Variants in OPCML observed in about 807,000 individuals in gnomAD.
OPCML encodes opioid binding protein/cell adhesion molecule like, also known as opioid-binding protein/cell adhesion molecule.
In OPCML, 13 loss-of-function variants were observed where a neutral mutation model predicts 37.8. That is an observed-to-expected ratio of 0.34 (90% CI 0.22 to 0.55). The LOEUF is 0.55. OPCML is among the 20% of genes least tolerant of loss of function. OPCML has a pLI of 0.91. For missense variants in OPCML, 341 were observed against 435.6 expected, an observed-to-expected ratio of 0.78 and a Z score of 1.93; for synonymous variants, 176 against 168.8, an observed-to-expected ratio of 1.04 and a Z score of -0.33.
chr11:132,746,748 C>T (rs1370632154), intron 2 of OPCML, among the ~76,000 whole-genome samples: 2 of 152,136 alleles, frequency 1.3e-5, no homozygotes, highest in African/African-American at 4.8e-5. Context: ...GGGTTTTTGT[C>T]ATTTTTGACT....
At chr11:132,695,391 C>T (rs1177090483) in intron 2 of OPCML, among the ~76,000 whole-genome samples, 1 of 152,046 alleles carries the variant, frequency 6.6e-6, no homozygotes, top group Non-Finnish European at 1.5e-5. Flanking sequence ...CATGGAAGTG[C>T]GGGAGGCAGG....
At chr11:133,491,165 C>G (rs759763159) in intron 1 of OPCML, among the ~76,000 whole-genome samples, 2 of 152,124 alleles carry the variant, frequency 1.3e-5, no homozygotes, top group African/African-American at 2.4e-5. Flanking sequence ...ATGCCCAGGT[C>G]GACAACCTCA....
chr11:132,761,854 G>A (rs375408403), intron 2 of OPCML, among the ~76,000 whole-genome samples: 12 of 152,214 alleles, frequency 7.9e-5, no homozygotes, highest in East Asian at 5.8e-4. Flanking sequence ...TCCATTGCTG[G>A]TGAGGAGTTG....
At chr11:132,691,358 G>A (rs947069946) in intron 2 of OPCML, among the ~76,000 whole-genome samples, 4 of 152,184 alleles carry the variant, frequency 2.6e-5, no homozygotes, top group African/African-American at 9.6e-5. Flanking sequence ...ACTAGGTGAA[G>A]ACTAGGTTAA....
At chr11:133,085,076 G>T (rs1185308632) in intron 1 of OPCML, among the ~76,000 whole-genome samples, 1 of 152,070 alleles carries the variant, frequency 6.6e-6, no homozygotes, top group Non-Finnish European at 1.5e-5. Context: ...CCAGCTAAAT[G>T]GACTCCTTTA....
At chr11:132,422,984 G>T (rs928534108) in intron 7 of OPCML, among the ~76,000 whole-genome samples, 19 of 152,186 alleles carry the variant, frequency 1.2e-4, no homozygotes, top group African/African-American at 4.8e-5. Flanking sequence ...AAGAGATGGG[G>T]TTTGATGACC....
At chr11:132,423,430 G>A (rs570101363) in intron 7 of OPCML, among the ~76,000 whole-genome samples, 2 of 152,362 alleles carry the variant, frequency 1.3e-5, no homozygotes, top group South Asian at 2.1e-4. Context: ...GCACATTTGA[G>A]ACTTGTCAGC....
intron 1 of OPCML, among the ~76,000 whole-genome samples, chr11:133,462,978 A>C (rs1237455987): frequency 6.6e-6 from 1 of 152,178 alleles, no homozygotes; most frequent in Non-Finnish European, 1.5e-5. Flanking sequence ...TGATATGTAC[A>C]CACAATGAGA....
At chr11:133,083,298 C>A (rs1048668432) in intron 1 of OPCML, among the ~76,000 whole-genome samples, 1 of 152,188 alleles carries the variant, frequency 6.6e-6, no homozygotes. Flanking sequence ...CACTCCCAGA[C>A]CCGACCCCTC....
At chr11:133,324,854 T>C (rs922114587) in intron 1 of OPCML, among the ~76,000 whole-genome samples, 9 of 152,182 alleles carry the variant, frequency 5.9e-5, no homozygotes, top group African/African-American at 2.2e-4. Context: ...GTTCTATATA[T>C]AGAATTAGAG....
intron 1 of OPCML, among the ~76,000 whole-genome samples, chr11:133,323,324 A>G (rs755171126): frequency 1.4e-4 from 22 of 152,248 alleles, no homozygotes; most frequent in Non-Finnish European, 2.4e-4. Context: ...GTTCAATTCT[A>G]ATGCTTATGT....
chr11:132,986,327 TAAAC>T (rs1181289199), intron 1 of OPCML, among the ~76,000 whole-genome samples: 1 of 152,098 alleles, frequency 6.6e-6, no homozygotes, highest in Non-Finnish European at 1.5e-5. Context: ...TAGTAAAAAG[TAAAC>T]AATCTGGATA....
chr11:132,942,314 T>C (rs1189008483), intron 2 of OPCML, among the ~76,000 whole-genome samples: 1 of 152,226 alleles, frequency 6.6e-6, no homozygotes, highest in Non-Finnish European at 1.5e-5. Flanking sequence ...AGTGATGTTG[T>C]TGCATAAAAG....
In OPCML at chr11:132,942,854, G is replaced by T. The variant is rs1051636639; in HGVS notation, c.146+72C>A. The T allele has an allele frequency of 1.6e-5, 25 of 1,586,554 alleles. No individual in the cohort carries two copies. The Middle Eastern group carries it at 5.0e-4, about 32-fold the overall frequency. On this transcript the variant is annotated intron_variant, in intron 2 of 7. Coordinates refer to ENST00000524381, the MANE Select transcript of OPCML (RefSeq NM_001012393.5). ...GTTCCGGTCCCCCATGGAGCCTTCT[G>T]CCCCCTCTTCCCTCCTCTCCCCAGC... is the stretch of plus-strand genomic sequence containing the variant.
chr11:133,363,395 C>G (rs530395104), intron 1 of OPCML, among the ~76,000 whole-genome samples: 1 of 152,280 alleles, frequency 6.6e-6, no homozygotes, highest in East Asian at 1.9e-4. Flanking sequence ...TAGTTCCAGA[C>G]GTGACCAAGC....
chr11:133,527,836 C>G (rs950615611), intron 1 of OPCML, among the ~76,000 whole-genome samples: 3 of 152,194 alleles, frequency 2.0e-5, no homozygotes, highest in Non-Finnish European at 4.4e-5. Flanking sequence ...AAAGAGATCA[C>G]TCTCAGCTTT....
intron 1 of OPCML, among the ~76,000 whole-genome samples, chr11:133,253,585 T>C (rs1248466471): frequency 6.6e-6 from 1 of 152,184 alleles, no homozygotes; most frequent in East Asian, 1.9e-4. Flanking sequence ...GCTGGGATTA[T>C]AGCGTGAGCC....
At chr11:132,907,231 C>CT (rs1462006241) in intron 2 of OPCML, among the ~76,000 whole-genome samples, 1 of 152,216 alleles carries the variant, frequency 6.6e-6, no homozygotes, top group Admixed American at 6.5e-5. Context: ...TTCTAACACT[C>CT]TAACGGTAAA....
intron 2 of OPCML, among the ~76,000 whole-genome samples, chr11:132,726,977 C>T (rs143924512): frequency 2.5e-4 from 38 of 152,152 alleles, no homozygotes; most frequent in African/African-American, 8.9e-4. Context: ...CTTCCCTGAC[C>T]CCATGCGGAA....
Sources: allele counts gnomAD v4.1 joint callset (sites outside exome capture counted in the v4.1 genomes callset), GRCh38; gene constraint gnomAD v4.1.1; transcripts MANE v1.5; gene names NCBI Gene and HGNC (gene_info 2026-07-23, HGNC 2026-07-21).